APBB2: variants seen among roughly 807,000 people sequenced by gnomAD.
APBB2 encodes the protein amyloid beta precursor protein binding family B member 2, also known as Fe65-like 1.
In APBB2, 38 loss-of-function variants were observed where a neutral mutation model predicts 82.5. The observed-to-expected ratio is 0.46, with a 90% CI of 0.36 to 0.60. The LOEUF (loss-of-function observed/expected upper bound fraction) is 0.60, where lower values mean the gene tolerates loss of function less well. Among genes scored for constraint, APBB2 ranks in the 20% least tolerant of loss-of-function variants. APBB2 has a pLI of 0.00. For missense variants in APBB2, 772 were observed against 972.3 expected, an observed-to-expected ratio of 0.79 and a Z score of 2.74; for synonymous variants, 341 against 368.2, an observed-to-expected ratio of 0.93 and a Z score of 0.85.
intron 10 of APBB2, among the ~76,000 whole-genome samples, chr4:40,928,072 C>T (rs1783085176): frequency 6.6e-6 from 1 of 152,180 alleles, no homozygotes; most frequent in South Asian, 2.1e-4. Context: ...GTGCAAGCTA[C>T]CTGGCCGCCT....
intron 12 of APBB2, among the ~76,000 whole-genome samples, chr4:40,836,009 G>A (rs572601669): frequency 6.6e-6 from 1 of 152,304 alleles, no homozygotes; most frequent in South Asian, 2.1e-4. Context: ...AGAAGTTGAT[G>A]AGCTCCAGGG....
chr4:40,830,224 A>G (rs1202352335), intron 13 of APBB2, among the ~76,000 whole-genome samples: 2 of 152,072 alleles, frequency 1.3e-5, no homozygotes, highest in Non-Finnish European at 2.9e-5. Context: ...ATATATATAT[A>G]TATGTTTCCA....
intron 16 of APBB2, 165 bp from the exon 17 acceptor site, chr4:40,822,215 T>A: frequency 2.8e-6 from 2 of 709,740 alleles, no homozygotes; most frequent in Non-Finnish European, 4.7e-6. Context: ...GAAGAGGCCA[T>A]CACTGCATGG....
intron 2 of APBB2, among the ~76,000 whole-genome samples, chr4:41,136,322 G>A (rs1306705565): frequency 6.6e-6 from 1 of 152,164 alleles, no homozygotes; most frequent in Non-Finnish European, 1.5e-5. Flanking sequence ...GGGCAACAGA[G>A]AGAAAGAAAA....
chr4:40,933,604 G>A (rs182578484), intron 10 of APBB2, among the ~76,000 whole-genome samples: 5 of 152,208 alleles, frequency 3.3e-5, no homozygotes, highest in East Asian at 1.9e-4. Context: ...CAACCCTCCC[G>A]TGCTCACACC....
intron 6 of APBB2, among the ~76,000 whole-genome samples, chr4:40,985,176 C>A (rs569946936): frequency 2.6e-5 from 4 of 152,050 alleles, no homozygotes; most frequent in African/African-American, 9.6e-5. Context: ...CAGCCTCCAA[C>A]GTGTTGGGAT....
intron 6 of APBB2, among the ~76,000 whole-genome samples, chr4:41,008,302 T>A (rs982972809): frequency 6.6e-6 from 1 of 152,208 alleles, no homozygotes; most frequent in Non-Finnish European, 1.5e-5. Context: ...TTATTCAGCT[T>A]CACCTACTGT....
intron 2 of APBB2, among the ~76,000 whole-genome samples, chr4:41,130,985 C>G (rs1049186932): frequency 1.2e-4 from 19 of 152,188 alleles, no homozygotes; most frequent in Admixed American, 5.2e-4. Context: ...CACCAAAGAA[C>G]AAGCGCCACC....
rs570866502 is a variant in APBB2 at position 41,081,428 on chromosome 4, T to C, written c.-148-15755A>G. Among the ~76,000 whole-genome samples, 10 of 152,356 alleles carry C rather than the reference T, an allele frequency of 6.6e-5. No individual in the cohort carries two copies. The South Asian group carries it at 2.1e-3, about 32-fold the overall frequency. On this transcript the variant is annotated intron_variant, in intron 3 of 17. Coordinates refer to ENST00000508593, the MANE Select transcript of APBB2 (RefSeq NM_004307.2). ...CCAAGAAATCATTCTCAAAAGCTGT[T>C]TCCAGAATACCTTCTTGAGAAATTT... is the stretch of plus-strand genomic sequence containing the variant.
At chr4:41,056,367 A>G (rs1341133349) in intron 4 of APBB2, among the ~76,000 whole-genome samples, 1 of 152,048 alleles carries the variant, frequency 6.6e-6, no homozygotes, top group African/African-American at 2.4e-5. Flanking sequence ...CACCCAGGAG[A>G]CCTGCATTCC....
At chr4:40,830,029 C>CCTTTTCCCAGTTTTCTGGGGTGT (rs1560629848) in intron 13 of APBB2, among the ~76,000 whole-genome samples, 1 of 152,198 alleles carries the variant, frequency 6.6e-6, no homozygotes, top group Admixed American at 6.5e-5. Flanking sequence ...CGCTTTGACT[C>CCTTTTCCCAGTTTTCTGGGGTGT]CTTTTCCCAG....
chr4:41,123,644 G>C (rs1479186301), intron 2 of APBB2, among the ~76,000 whole-genome samples: 1 of 152,130 alleles, frequency 6.6e-6, no homozygotes, highest in Non-Finnish European at 1.5e-5. Context: ...TCAACATGGT[G>C]AAACTCCATC....
At chr4:41,013,548 A>AAGG (rs1579241272) in intron 6 of APBB2, 35 bp downstream of exon 6, 15 of 1,548,300 alleles carry the variant, frequency 9.7e-6, no homozygotes, top group South Asian at 2.4e-5. Flanking sequence ...AAAAAAAAAA[A>AAGG]GTGCCAGCTG....
intron 6 of APBB2, among the ~76,000 whole-genome samples, chr4:40,998,750 G>A (rs11941830): frequency 0.042 from 6,367 of 152,168 alleles, 271 homozygotes; most frequent in African/African-American, 0.11. Context: ...CACTCCTCTT[G>A]TGCTTTGGGT....
At chr4:41,034,892 G>C (rs1445537329) in intron 4 of APBB2, among the ~76,000 whole-genome samples, 1 of 152,170 alleles carries the variant, frequency 6.6e-6, no homozygotes, top group Non-Finnish European at 1.5e-5. Flanking sequence ...TTGCCATCAG[G>C]AATGTCACTC....
At chr4:40,891,951 C>CTTT (rs565676579) in intron 11 of APBB2, among the ~76,000 whole-genome samples, 3 of 132,104 alleles carry the variant, frequency 2.3e-5, no homozygotes, top group African/African-American at 5.5e-5. Flanking sequence ...GGGTTTTGTT[C>CTTT]TTTTTTTTTT....
At chr4:40,986,888 T>C (rs1033184660) in intron 6 of APBB2, among the ~76,000 whole-genome samples, 9 of 152,240 alleles carry the variant, frequency 5.9e-5, no homozygotes, top group African/African-American at 1.9e-4. Flanking sequence ...TCCAAGGTTC[T>C]TAACCGTCAA....
Position 40,812,071 on chromosome 4 carries a change from C to T in APBB2, c.*4021G>A, listed in dbSNP as rs907753333. On this transcript the variant is annotated 3_prime_UTR_variant, in exon 18 of 18. Coordinates refer to ENST00000508593, the MANE Select transcript of APBB2 (RefSeq NM_004307.2). ...TAGGCTTCTATGTCCGGAAGGCCAG[C>T]TGGCCTTCCTGATCACCAAATAAGT... 8 of 152,160 alleles carry T rather than the reference C, an allele frequency of 5.3e-5. No individual in the cohort carries two copies. Among genetic ancestry groups the T allele is most frequent in the Non-Finnish European group, 8.8e-5 (6 of 68,024 alleles). 9.4% of individuals were successfully genotyped at this position (152,160 alleles called of 1,614,324 possible).
chr4:41,192,745 T>G (rs1052619816), intron 1 of APBB2, among the ~76,000 whole-genome samples: 3 of 152,054 alleles, frequency 2.0e-5, no homozygotes, highest in African/African-American at 4.8e-5. Context: ...TCCTGATAAA[T>G]GAACAGATTT....
Sources: allele counts gnomAD v4.1 joint callset (sites outside exome capture counted in the v4.1 genomes callset), GRCh38; gene constraint gnomAD v4.1.1; transcripts MANE v1.5; gene names NCBI Gene and HGNC (gene_info 2026-07-23, HGNC 2026-07-21).